The following IL2RA variants were observed in gnomAD, a reference collection of about 807,000 sequenced individuals.
IL2RA encodes the protein interleukin-2 receptor subunit alpha.
A neutral mutation model predicts 37.8 loss-of-function variants in IL2RA; 24 were observed. That is an observed-to-expected ratio of 0.63 (90% CI 0.46 to 0.89). IL2RA has a LOEUF of 0.89. IL2RA is among the 40% of genes least tolerant of loss of function. The pLI is 0.00. For synonymous variants in IL2RA, 125 were observed against 114.6 expected, an observed-to-expected ratio of 1.09 and a Z score of -0.58; for missense variants, 319 against 348.6, an observed-to-expected ratio of 0.92 and a Z score of 0.68.
intron 1 of IL2RA, among the ~76,000 whole-genome samples, chr10:6,031,135 A>G (rs1243989220): frequency 1.3e-5 from 2 of 152,056 alleles, no homozygotes; most frequent in East Asian, 3.8e-4. Context: ...TACATTAAAT[A>G]TAAATGGACA....
At position 6,015,760 on chromosome 10, in the gene IL2RA, C is replaced by T. The variant is rs1839265042; in HGVS notation, c.794+2293G>A. ...TCTGGTGCTAGTTCAAGTTTGAAAACCAATGGCCGGGTGTAGGGTTGTCAA... is the reference window on the plus strand; with the variant it reads ...TCTGGTGCTAGTTCAAGTTTGAAAATCAATGGCCGGGTGTAGGGTTGTCAA... On this transcript the variant is annotated intron_variant, in intron 7 of 7. Coordinates refer to ENST00000379959, the MANE Select transcript of IL2RA (RefSeq NM_000417.3). This position sits in a 1 kb window ranked among gnomAD's most constrained non-coding sequence, Gnocchi z 4.9. Among the ~76,000 whole-genome samples the T allele has an allele frequency of 6.6e-6, 1 of 152,142 alleles. No homozygotes were observed. The highest frequency in any genetic ancestry group is 2.4e-5 in the African/African-American group (1 of 41,432).
rs555744457 is a variant in IL2RA, at chr10:6,039,209, G to T, written c.65-13184C>A. ...TTAATAGAAATACAGAAGTCAGTAC[G>T]TATTGCTAAAGATTCAATTCACCAG... On this transcript the variant is annotated intron_variant, in intron 1 of 7. Transcript: ENST00000379959. 1.3e-5 allele frequency among the ~76,000 whole-genome samples: 2 copies of T among 152,316 alleles called. 1 individual carries two copies. The highest frequency in any genetic ancestry group is 4.1e-4 in the South Asian group (2 of 4,826).
chr10:6,013,339 G>A (rs897829278), intron 7 of IL2RA, among the ~76,000 whole-genome samples: 5 of 152,172 alleles, frequency 3.3e-5, no homozygotes, highest in East Asian at 3.8e-4. Context: ...TAGTGCAACC[G>A]AGGAACTGAA....
At position 6,019,919 on chromosome 10, in the gene IL2RA, G is replaced by C; in HGVS notation, c.606C>G (p.Ser202Arg). The C allele has an allele frequency of 6.2e-7, 1 of 1,614,148 alleles. No individual in the cohort carries two copies. Among genetic ancestry groups the C allele is most frequent in the Non-Finnish European group, 8.5e-7 (1 of 1,179,974 alleles). Reference protein sequence around the residue: ...QFPGEEKPQASPEGRPESETS... With the variant: ...QFPGEEKPQARPEGRPESETS... ...TCTCACTCTCAGGACGGCCTTCGGGGCTTGCCTGAGGCTTCTCTTCACCTG... is the reference window on the plus strand; with the variant it reads ...TCTCACTCTCAGGACGGCCTTCGGGCCTTGCCTGAGGCTTCTCTTCACCTG... The change falls in exon 5 of 8, where the codon AGC becomes AGG. Residue 202 changes from serine (S) to arginine (R), a missense_variant. By Grantham distance (110) the Ser-to-Arg change is moderately radical (BLOSUM62 -1). Coordinates refer to ENST00000379959, the MANE Select transcript of IL2RA (RefSeq NM_000417.3).
intron 1 of IL2RA, among the ~76,000 whole-genome samples, chr10:6,060,320 C>T (rs914451513): frequency 2.0e-5 from 3 of 152,108 alleles, no homozygotes; most frequent in African/African-American, 7.2e-5. Context: ...CATACATGCT[C>T]AGGTGATGGG....
Position 6,018,055 on chromosome 10 carries a change from T to A in IL2RA, c.792A>T (p.Arg264Ser). ...TGCCTTGGTGATGCCACACTTACTG[T>A]CTCCGCTGCCAGGTGAGCCCACTCA... is the stretch of plus-strand genomic sequence containing the variant. ...LLLSGLTWQR[R>S]QRKSRRTI The change falls in exon 7 of 8, where the codon AGA becomes AGT. Residue 264 changes from arginine to serine, a missense_variant and splice_region_variant. Coordinates refer to ENST00000379959, the MANE Select transcript of IL2RA (RefSeq NM_000417.3). This position sits in a 1 kb window ranked among gnomAD's most constrained non-coding sequence, Gnocchi z 5.1. 4 of 1,613,536 alleles carry A rather than the reference T, an allele frequency of 2.5e-6. No individual in the cohort carries two copies. Among genetic ancestry groups the A allele is most frequent in the Non-Finnish European group, 3.4e-6 (4 of 1,179,712 alleles).
rs1345805747 is a variant in IL2RA at position 6,047,803 on chromosome 10, G to A, written c.64+14285C>T. Among the ~76,000 whole-genome samples the A allele has an allele frequency of 6.9e-6, 1 of 144,892 alleles. No individual in the cohort carries two copies. The highest frequency in any genetic ancestry group is 6.8e-5 in the Admixed American group (1 of 14,624). On this transcript the variant is annotated intron_variant, in intron 1 of 7. Transcript: ENST00000379959. The surrounding 1 kb of genome is among the most constrained non-coding windows in gnomAD (Gnocchi z 5.0). Reference sequence around the variant, plus strand: ...TATAGTATACTCATTAATATAATTAGTATATTATATGATAAATATATATAA... The same window carrying A: ...TATAGTATACTCATTAATATAATTAATATATTATATGATAAATATATATAA...
chr10:6,021,740 G>A lies in IL2RA; in HGVS notation c.368-47C>T, dbSNP rs371733805. 89 of 1,518,068 alleles carry A rather than the reference G, an allele frequency of 5.9e-5. No individual in the cohort carries two copies. In the East Asian group the frequency reaches 8.3e-4, roughly 14 times the overall value. The allele number at this position is 1,518,068 out of a possible 1,614,324, so 94.0% of individuals were successfully genotyped here. A position where few individuals can be genotyped will look rare whatever the true frequency, so the allele number is the denominator to read the frequency against. On this transcript the variant is annotated intron_variant, in intron 3 of 7. Coordinates refer to ENST00000379959, the MANE Select transcript of IL2RA (RefSeq NM_000417.3). This position sits in a 1 kb window ranked among gnomAD's most constrained non-coding sequence, Gnocchi z 4.9. ...CTGAAGGCAAGTTGGGGACAGCACC[G>A]CGAGTGAGTCCAGGTTGCCTCTTGC...
In IL2RA at chr10:6,047,493, A is replaced by C. The variant is rs1307362427; in HGVS notation, c.64+14595T>G. Among the ~76,000 whole-genome samples the C allele has an allele frequency of 3.3e-5, 5 of 152,230 alleles. No individual in the cohort carries two copies. The highest frequency in any genetic ancestry group is 1.5e-5 in the Non-Finnish European group (1 of 68,040). On this transcript the variant is annotated intron_variant, in intron 1 of 7. Coordinates refer to ENST00000379959, the MANE Select transcript of IL2RA (RefSeq NM_000417.3). This position sits in a 1 kb window ranked among gnomAD's most constrained non-coding sequence, Gnocchi z 5.0. ...GGCCACCAAAAACAGCAATCACGTCAGCTGAGACGCAACACACTGCATGCC... is the reference window on the plus strand; with the variant it reads ...GGCCACCAAAAACAGCAATCACGTCCGCTGAGACGCAACACACTGCATGCC...
chr10:6,032,276 A>C (rs965945397), intron 1 of IL2RA, among the ~76,000 whole-genome samples: 1 of 152,212 alleles, frequency 6.6e-6, no homozygotes, highest in Non-Finnish European at 1.5e-5. Flanking sequence ...AGATTTCAGA[A>C]GAAAATTAAG....
chr10:6,039,226 A>C (rs1340414530), intron 1 of IL2RA, among the ~76,000 whole-genome samples: 1 of 152,234 alleles, frequency 6.6e-6, no homozygotes, highest in Non-Finnish European at 1.5e-5. Flanking sequence ...TAAAGATTCA[A>C]TTCACCAGGA....
chr10:6,037,070 C>T (rs1373606631), intron 1 of IL2RA, among the ~76,000 whole-genome samples: 1 of 152,090 alleles, frequency 6.6e-6, no homozygotes, highest in African/African-American at 2.4e-5. Context: ...CATCTGCCCC[C>T]TGGGTGAGGA....
intron 1 of IL2RA, among the ~76,000 whole-genome samples, chr10:6,053,764 G>C (rs1411675878): frequency 6.6e-6 from 1 of 152,190 alleles, no homozygotes; most frequent in East Asian, 1.9e-4. Flanking sequence ...CAAAGTGCTG[G>C]GATTACAGGA....
rs757598971 is a variant in IL2RA, at chr10:6,012,888, CTCT to C, written c.800_802del (p.Lys267del). ...TTTGGTTTTCTAGATTGTTCTTCTA[CTCT>C]TCCTCCTGTAGTGGTGTAACAAAGT... On this transcript the variant is annotated inframe_deletion, in exon 8 of 8. Coordinates refer to ENST00000379959, the MANE Select transcript of IL2RA (RefSeq NM_000417.3). This position sits in a 1 kb window ranked among gnomAD's most constrained non-coding sequence, Gnocchi z 4.8. 3 of 1,614,148 alleles carry C rather than the reference CTCT, an allele frequency of 1.9e-6. No homozygotes were observed. The highest frequency in any genetic ancestry group is 1.6e-4 in the Middle Eastern group (1 of 6,062).
intron 1 of IL2RA, among the ~76,000 whole-genome samples, chr10:6,045,949 C>T (rs941711233): frequency 1.3e-5 from 2 of 152,172 alleles, no homozygotes; most frequent in African/African-American, 4.8e-5. Context: ...AAGAGTTTCT[C>T]CTGGGAACCT....
At chr10:6,013,031 T>C in intron 7 of IL2RA, 135 bp from the exon 8 acceptor site, 1 of 833,430 alleles carries the variant, frequency 1.2e-6, no homozygotes, top group Non-Finnish European at 2.0e-6. Context: ...GGTTTTGCTA[T>C]GTTGGCCAGG....
In IL2RA at chr10:6,015,403, T is replaced by C. The variant is rs1387029332; in HGVS notation, c.795-2507A>G. On this transcript the variant is annotated intron_variant, in intron 7 of 7. Coordinates refer to ENST00000379959, the MANE Select transcript of IL2RA (RefSeq NM_000417.3). The surrounding 1 kb of genome is among the most constrained non-coding windows in gnomAD (Gnocchi z 4.9). ...TCTGGCCAGCTTCCCTGATTCTTAA[T>C]GCTGTTAGCCTAGTGCGGTGATCCT... Among the ~76,000 whole-genome samples, 2 of 152,142 alleles carry C rather than the reference T, an allele frequency of 1.3e-5. No individual in the cohort carries two copies. The highest frequency in any genetic ancestry group is 2.4e-5 in the African/African-American group (1 of 41,438).
chr10:6,043,429 T>A (rs1237533150), intron 1 of IL2RA, among the ~76,000 whole-genome samples: 1 of 151,916 alleles, frequency 6.6e-6, no homozygotes, highest in Non-Finnish European at 1.5e-5. Flanking sequence ...TTTATTTGTT[T>A]TTGTTTGTGT....
intron 1 of IL2RA, among the ~76,000 whole-genome samples, chr10:6,032,516 C>A (rs1042344525): frequency 2.0e-5 from 3 of 151,686 alleles, no homozygotes; most frequent in Admixed American, 1.3e-4. Flanking sequence ...CACGGTGAAA[C>A]CCTGTCTCTA....
Sources: allele counts gnomAD v4.1 joint callset (sites outside exome capture counted in the v4.1 genomes callset), GRCh38; gene constraint gnomAD v4.1.1; non-coding constraint Gnocchi (gnomAD v3.1); transcripts MANE v1.5; gene names NCBI Gene and HGNC (gene_info 2026-07-23, HGNC 2026-07-21).